Variants in FSTL5 observed in about 807,000 individuals in gnomAD.
FSTL5 encodes the protein follistatin like 5, also known as follistatin-related protein 5.
Under a neutral mutation model 89.1 loss-of-function variants are expected in FSTL5, and 62 were observed. The ratio of observed to expected loss-of-function variants is 0.70; its 90% CI spans 0.57 to 0.86. FSTL5 has a LOEUF of 0.86. FSTL5 is among the 40% of genes least tolerant of loss of function. The pLI is 0.00. For synonymous variants in FSTL5, 383 were observed against 346.2 expected (o/e 1.11, Z -1.18); for missense variants, 1,057 against 1,001.6 (o/e 1.06, Z -0.75).
chr4:161,687,684 A>G (rs4505774), intron 6 of FSTL5, among the ~76,000 whole-genome samples: 82,035 of 152,082 alleles, frequency 0.54, 25,704 homozygotes, highest in East Asian at 0.71. Flanking sequence ...CTCTTCCACT[A>G]AGCCATTCTC....
intron 15 of FSTL5, among the ~76,000 whole-genome samples, chr4:161,450,794 G>C: frequency 6.9e-6 from 1 of 144,020 alleles, no homozygotes; most frequent in Admixed American, 7.1e-5. Flanking sequence ...CCAGACTAGA[G>C]TGCAGTGGCA....
intron 2 of FSTL5, among the ~76,000 whole-genome samples, chr4:162,057,446 G>C (rs137966910): frequency 2.5e-4 from 38 of 152,212 alleles, no homozygotes; most frequent in African/African-American, 7.5e-4. Context: ...ACAGATTTAA[G>C]AATTAATATT....
At chr4:161,528,928 C>T (rs1008283731) in intron 10 of FSTL5, among the ~76,000 whole-genome samples, 3 of 141,704 alleles carry the variant, frequency 2.1e-5, no homozygotes, top group Admixed American at 7.6e-5. Context: ...TGTATTCAGT[C>T]CACATGCCTA....
At chr4:161,398,077 T>C (rs954521535) in intron 15 of FSTL5, among the ~76,000 whole-genome samples, 6 of 152,046 alleles carry the variant, frequency 3.9e-5, no homozygotes, top group African/African-American at 1.4e-4. Flanking sequence ...TGTTTTAGGT[T>C]TTCTGGATAA....
intron 4 of FSTL5, among the ~76,000 whole-genome samples, chr4:161,845,416 A>G (rs1246305461): frequency 1.3e-5 from 2 of 152,178 alleles, no homozygotes; most frequent in Non-Finnish European, 2.9e-5. Flanking sequence ...GAACCAGTTT[A>G]CAACCACACT....
At chr4:161,650,123 TA>T (rs1013371964) in intron 7 of FSTL5, among the ~76,000 whole-genome samples, 1 of 152,204 alleles carries the variant, frequency 6.6e-6, no homozygotes, top group African/African-American at 2.4e-5. Context: ...AAGTTAATAG[TA>T]ACACAGTTTA....
chr4:161,838,316 C>T (rs1731107155), intron 4 of FSTL5, among the ~76,000 whole-genome samples: 1 of 152,104 alleles, frequency 6.6e-6, no homozygotes, highest in East Asian at 1.9e-4. Context: ...ATGTTTTCTG[C>T]TGCCCAGACT....
At chr4:161,669,473 G>A (rs985930465) in intron 6 of FSTL5, among the ~76,000 whole-genome samples, 1 of 152,028 alleles carries the variant, frequency 6.6e-6, no homozygotes, top group Non-Finnish European at 1.5e-5. Context: ...GAATAGAGAG[G>A]CCAGAAATAG....
At chr4:161,804,557 A>G (rs1729900532) in intron 4 of FSTL5, among the ~76,000 whole-genome samples, 2 of 151,820 alleles carry the variant, frequency 1.3e-5, no homozygotes, top group Non-Finnish European at 2.9e-5. Flanking sequence ...TTAAAAAACT[A>G]TCATACTTTC....
chr4:161,471,979 C>CTTT (rs61243040), intron 13 of FSTL5, among the ~76,000 whole-genome samples: 7 of 132,544 alleles, frequency 5.3e-5, no homozygotes, highest in South Asian at 2.3e-4. Flanking sequence ...TTTTCTTGAT[C>CTTT]TTTTTTTTTT....
At chr4:161,896,854 A>G (rs1484038819) in intron 4 of FSTL5, among the ~76,000 whole-genome samples, 1 of 152,192 alleles carries the variant, frequency 6.6e-6, no homozygotes, top group Non-Finnish European at 1.5e-5. Context: ...AAATAAATCT[A>G]TCTTAGTGTA....
chr4:162,065,399 G>C (rs111340111), intron 2 of FSTL5, among the ~76,000 whole-genome samples: 1 of 151,980 alleles, frequency 6.6e-6, no homozygotes, highest in Non-Finnish European at 1.5e-5. Context: ...AAAATGACCT[G>C]AATAGACATG....
chr4:161,466,958 T>A (rs1461658138), intron 13 of FSTL5, among the ~76,000 whole-genome samples: 1 of 152,108 alleles, frequency 6.6e-6, no homozygotes, highest in African/African-American at 2.4e-5. Context: ...TTAAAAAATG[T>A]TTAGTTCCAA....
intron 4 of FSTL5, among the ~76,000 whole-genome samples, chr4:161,813,432 G>A (rs968827794): frequency 3.9e-5 from 6 of 152,070 alleles, no homozygotes; most frequent in African/African-American, 1.2e-4. Flanking sequence ...AATTTGGGGG[G>A]CGGGGAGCAT....
chr4:161,898,152 AC>A (rs1733229579), intron 4 of FSTL5, among the ~76,000 whole-genome samples: 1 of 148,488 alleles, frequency 6.7e-6, no homozygotes, highest in East Asian at 1.9e-4. Context: ...TATTCAATAT[AC>A]CATAGGTATA....
At chr4:161,485,275 T>G (rs1729637995) in intron 12 of FSTL5, among the ~76,000 whole-genome samples, 2 of 152,242 alleles carry the variant, frequency 1.3e-5, no homozygotes, top group Non-Finnish European at 2.9e-5. Flanking sequence ...GCAGCTCCTT[T>G]ATCTTCAGTT....
chr4:162,138,812 C>T (rs1036219822), intron 1 of FSTL5, among the ~76,000 whole-genome samples: 9 of 151,850 alleles, frequency 5.9e-5, no homozygotes, highest in African/African-American at 9.7e-5. Flanking sequence ...AACACAAAAT[C>T]GAAAATCTTT....
At chr4:161,480,497 C>T (rs1295466701) in intron 13 of FSTL5, among the ~76,000 whole-genome samples, 1 of 152,170 alleles carries the variant, frequency 6.6e-6, no homozygotes, top group African/African-American at 2.4e-5. Flanking sequence ...ACTGTGAAAG[C>T]ATGACGATGA....
chr4:161,524,678 G>C (rs1197164394), intron 10 of FSTL5, among the ~76,000 whole-genome samples: 2 of 151,934 alleles, frequency 1.3e-5, no homozygotes, highest in African/African-American at 4.8e-5. Flanking sequence ...ATATTCGCTG[G>C]CCTGGGAACG....
Sources: allele counts gnomAD v4.1 joint callset (sites outside exome capture counted in the v4.1 genomes callset), GRCh38; gene constraint gnomAD v4.1.1; transcripts MANE v1.5; gene names NCBI Gene and HGNC (gene_info 2026-07-23, HGNC 2026-07-21).